UBAC2: variants seen among roughly 807,000 people sequenced by gnomAD.
UBAC2 encodes UBA domain containing 2.
In UBAC2, 26 loss-of-function variants were observed where a neutral mutation model predicts 44.0. That is an observed-to-expected ratio of 0.59 (90% CI 0.43 to 0.82). UBAC2 has a LOEUF of 0.82. Among genes scored for constraint, UBAC2 ranks in the 40% least tolerant of loss-of-function variants. UBAC2 has a pLI of 0.00. For synonymous variants in UBAC2, 155 were observed against 154.3 expected (o/e 1.00, Z -0.04); for missense variants, 329 against 419.4 (o/e 0.78, Z 1.88).
rs549344941 is a variant in UBAC2, at chr13:99,242,516, C to CA, written c.160-1315dup. The stretch of plus-strand genomic sequence containing the variant: ...TGGCCGGGCGGGGGGCTGCCCCCCC[C>CA]ACCTCCCTCCCGGACGGGGCGGCTG... On this transcript the variant is annotated intron_variant, in intron 2 of 8. Coordinates refer to ENST00000403766, the MANE Select transcript of UBAC2 (RefSeq NM_001144072.2). Among the ~76,000 whole-genome samples, 118 of 145,206 alleles carry CA rather than the reference C, an allele frequency of 8.1e-4. 4 individuals carry two copies. Among genetic ancestry groups the CA allele is most frequent in the South Asian group, 1.8e-3 (8 of 4,404 alleles).
At chr13:99,217,810 G>A (rs932425733) in intron 1 of UBAC2, among the ~76,000 whole-genome samples, 1 of 152,198 alleles carries the variant, frequency 6.6e-6, no homozygotes, top group Non-Finnish European at 1.5e-5. Flanking sequence ...TGAGGCGGAT[G>A]ATCTGGCAGC....
intron 6 of UBAC2, among the ~76,000 whole-genome samples, chr13:99,333,693 G>A (rs1594137300): frequency 6.6e-6 from 1 of 152,126 alleles, no homozygotes; most frequent in African/African-American, 2.4e-5. Flanking sequence ...ACTGGGTGGG[G>A]TATCCATATT....
intron 1 of UBAC2, among the ~76,000 whole-genome samples, chr13:99,205,018 C>G (rs1197346587): frequency 1.3e-5 from 2 of 150,838 alleles, no homozygotes; most frequent in African/African-American, 4.9e-5. Flanking sequence ...ATTCTTCTGC[C>G]TCAGCATCCT....
intron 7 of UBAC2, among the ~76,000 whole-genome samples, chr13:99,359,606 C>G (rs996664030): frequency 1.3e-5 from 2 of 152,192 alleles, no homozygotes; most frequent in East Asian, 3.9e-4. Flanking sequence ...GTCCCCTCCC[C>G]GCTTGGGGGC....
intron 4 of UBAC2, among the ~76,000 whole-genome samples, chr13:99,279,825 ACT>A (rs1477962580): frequency 6.6e-6 from 1 of 152,006 alleles, no homozygotes; most frequent in African/African-American, 2.4e-5. Context: ...ATTTGTGAAG[ACT>A]CTACCCTCAT....
At chr13:99,306,127 C>T (rs947033496) in intron 4 of UBAC2, among the ~76,000 whole-genome samples, 1 of 152,144 alleles carries the variant, frequency 6.6e-6, no homozygotes, top group African/African-American at 2.4e-5. Flanking sequence ...AACTCCTGAT[C>T]TCAGGTGATC....
At chr13:99,314,073 A>AT (rs758136586) in intron 4 of UBAC2, 24 bp from the exon 5 acceptor site, 517 of 1,572,806 alleles carry the variant, frequency 3.3e-4, no homozygotes, top group Middle Eastern at 1.3e-3. Flanking sequence ...TATTATAGTG[A>AT]TTTTTTTTTA....
intron 8 of UBAC2, among the ~76,000 whole-genome samples, chr13:99,379,769 C>T (rs1215625498): frequency 6.6e-6 from 1 of 152,246 alleles, no homozygotes; most frequent in East Asian, 1.9e-4. Flanking sequence ...ACGTTTCACA[C>T]TTACACTGCT....
intron 4 of UBAC2, among the ~76,000 whole-genome samples, chr13:99,256,710 CA>C (rs3031409): frequency 1.4e-5 from 2 of 146,062 alleles, no homozygotes; most frequent in Non-Finnish European, 1.5e-5. Context: ...TTTCCATCAC[CA>C]AAAAAAAAAA....
intron 4 of UBAC2, among the ~76,000 whole-genome samples, chr13:99,247,875 T>C (rs570938744): frequency 3.4e-5 from 5 of 147,264 alleles, no homozygotes; most frequent in East Asian, 1.9e-4. Context: ...CTCTCTCTCT[T>C]TTTTTTTTTA....
intron 1 of UBAC2, among the ~76,000 whole-genome samples, chr13:99,215,935 A>C (rs569925318): frequency 6.6e-6 from 1 of 152,354 alleles, no homozygotes; most frequent in South Asian, 2.1e-4. Flanking sequence ...AGACCTCTCT[A>C]ATAAAGGCTA....
chr13:99,272,023 T>G (rs2138666902), intron 4 of UBAC2, among the ~76,000 whole-genome samples: 1 of 152,356 alleles, frequency 6.6e-6, no homozygotes, highest in East Asian at 1.9e-4. Flanking sequence ...AAGCTAACTT[T>G]CTTTGTTGTT....
At chr13:99,298,563 T>C (rs1238404651) in intron 4 of UBAC2, among the ~76,000 whole-genome samples, 2 of 152,136 alleles carry the variant, frequency 1.3e-5, no homozygotes, top group Non-Finnish European at 2.9e-5. Context: ...ATATGTTAAA[T>C]ATACAGTTCA....
chr13:99,244,159 A>G (rs2043352791), intron 3 of UBAC2, among the ~76,000 whole-genome samples: 2 of 152,216 alleles, frequency 1.3e-5, no homozygotes, highest in African/African-American at 4.8e-5. Context: ...GATAATGATA[A>G]TATGTAGTAT....
intron 4 of UBAC2, among the ~76,000 whole-genome samples, chr13:99,269,439 C>A (rs1213260422): frequency 6.6e-6 from 1 of 152,128 alleles, no homozygotes; most frequent in African/African-American, 2.4e-5. Context: ...TATTATATTT[C>A]TCAAATTCTG....
At chr13:99,383,206 T>G (rs1400610249) in intron 8 of UBAC2, among the ~76,000 whole-genome samples, 1 of 152,236 alleles carries the variant, frequency 6.6e-6, no homozygotes, top group African/African-American at 2.4e-5. Flanking sequence ...ATCACTGGTG[T>G]GGCCAGTTAA....
intron 7 of UBAC2, among the ~76,000 whole-genome samples, chr13:99,357,248 G>A (rs1334433519): frequency 1.3e-5 from 2 of 152,180 alleles, no homozygotes; most frequent in African/African-American, 4.8e-5. Context: ...TGTGTAGTAG[G>A]CGATCACATC....
At chr13:99,309,491 A>G (rs2044383805) in intron 4 of UBAC2, among the ~76,000 whole-genome samples, 1 of 152,176 alleles carries the variant, frequency 6.6e-6, no homozygotes, top group Admixed American at 6.5e-5. Flanking sequence ...CTGAAGCTGT[A>G]TATTAGATCA....
At chr13:99,362,584 C>T (rs981811657) in intron 7 of UBAC2, among the ~76,000 whole-genome samples, 5 of 152,098 alleles carry the variant, frequency 3.3e-5, no homozygotes, top group African/African-American at 9.7e-5. Flanking sequence ...TTTTCATTTG[C>T]CTTTCCCTAA....
Sources: gnomAD v4.1 joint callset for allele counts (sites outside exome capture counted in the v4.1 genomes callset) on GRCh38, gnomAD v4.1.1 for gene constraint, MANE v1.5 for transcripts, NCBI Gene and HGNC (gene_info 2026-07-23, HGNC 2026-07-21) for gene names.